Variants in CDK19 observed in about 807,000 individuals in gnomAD.
CDK19 encodes the protein cyclin dependent kinase 19, also known as cyclin-dependent kinase 19.
Under a neutral mutation model 68.3 loss-of-function variants are expected in CDK19, and 20 were observed. The observed-to-expected ratio is 0.29, with a 90% CI of 0.21 to 0.43. The LOEUF is 0.43. Ranked by LOEUF, CDK19 falls within the 20% of genes least tolerant of loss-of-function variation. CDK19 has a pLI of 1.00. For synonymous variants in CDK19, 221 were observed against 222.8 expected, an observed-to-expected ratio of 0.99 and a Z score of 0.07; for missense variants, 339 against 623.5, an observed-to-expected ratio of 0.54 and a Z score of 4.86.
chr6:110,772,762 G>A (rs1159445676), intron 1 of CDK19, among the ~76,000 whole-genome samples: 13 of 151,646 alleles, frequency 8.6e-5, no homozygotes, highest in Admixed American at 6.6e-5. Flanking sequence ...GTGTGGTGGC[G>A]TGAGCCTGTG....
chr6:110,787,230 T>C (rs1208642791), intron 1 of CDK19, among the ~76,000 whole-genome samples: 1 of 151,968 alleles, frequency 6.6e-6, no homozygotes, highest in Non-Finnish European at 1.5e-5. Context: ...AAAAATTAGC[T>C]GGGCATGGTG....
intron 1 of CDK19, among the ~76,000 whole-genome samples, chr6:110,792,693 T>G (rs1487730669): frequency 2.0e-5 from 3 of 152,342 alleles, no homozygotes; most frequent in Admixed American, 2.0e-4. Context: ...GGCGAATACT[T>G]TTTTATAACA....
intron 1 of CDK19, among the ~76,000 whole-genome samples, chr6:110,811,878 C>G (rs1010859784): frequency 6.9e-6 from 1 of 145,590 alleles, no homozygotes; most frequent in African/African-American, 2.7e-5. Context: ...ACTTTTAAAC[C>G]GGATTTTTTT....
chr6:110,660,813 G>A (rs1781575511), intron 4 of CDK19, among the ~76,000 whole-genome samples: 1 of 152,182 alleles, frequency 6.6e-6, no homozygotes, highest in Non-Finnish European at 1.5e-5. Context: ...GGGGAGCAGG[G>A]CAAGTCATGG....
At chr6:110,811,483 G>A (rs1246168319) in intron 1 of CDK19, among the ~76,000 whole-genome samples, 4 of 152,136 alleles carry the variant, frequency 2.6e-5, no homozygotes, top group Non-Finnish European at 5.9e-5. Flanking sequence ...CCTGGTCTCA[G>A]GTGATCCACC....
At chr6:110,725,937 G>T (rs1776282549) in intron 2 of CDK19, among the ~76,000 whole-genome samples, 1 of 151,910 alleles carries the variant, frequency 6.6e-6, no homozygotes, top group Admixed American at 6.6e-5. Context: ...ATGTTCTATG[G>T]GCTTGATTTT....
At chr6:110,718,106 C>A (rs1393009518) in intron 2 of CDK19, among the ~76,000 whole-genome samples, 1 of 152,166 alleles carries the variant, frequency 6.6e-6, no homozygotes, top group Non-Finnish European at 1.5e-5. Context: ...AATCTGCCGG[C>A]ACCTTGATCT....
At chr6:110,653,235 A>G (rs1781086992) in intron 4 of CDK19, among the ~76,000 whole-genome samples, 1 of 152,216 alleles carries the variant, frequency 6.6e-6, no homozygotes, top group Admixed American at 6.5e-5. Flanking sequence ...ATACAAGGCT[A>G]TGGGTCAAGT....
At chr6:110,652,112 A>G (rs1781012300) in intron 4 of CDK19, among the ~76,000 whole-genome samples, 1 of 151,986 alleles carries the variant, frequency 6.6e-6, no homozygotes, top group Non-Finnish European at 1.5e-5. Context: ...AAAAACAAAG[A>G]AAAAAAGAGA....
intron 2 of CDK19, among the ~76,000 whole-genome samples, chr6:110,712,365 G>C (rs1341038918): frequency 6.6e-6 from 1 of 152,130 alleles, no homozygotes; most frequent in Non-Finnish European, 1.5e-5. Context: ...ATTTGGGAAA[G>C]AAACACCACC....
intron 1 of CDK19, among the ~76,000 whole-genome samples, chr6:110,786,401 G>C (rs886851605): frequency 6.6e-6 from 1 of 151,942 alleles, no homozygotes; most frequent in East Asian, 2.0e-4. Flanking sequence ...TCCTTAACTG[G>C]CTCTGTCATA....
In CDK19 at chr6:110,815,243, G is replaced by T. The variant is rs1476841155; in HGVS notation, c.-107C>A. The T allele has an allele frequency of 5.5e-5, 51 of 932,114 alleles. No homozygotes were observed. The highest frequency in any genetic ancestry group is 2.6e-4 in the South Asian group (7 of 27,416). 57.7% of individuals were successfully genotyped at this position (932,114 alleles called of 1,614,324 possible). A position where few individuals can be genotyped will look rare whatever the true frequency, so the allele number is the denominator to read the frequency against. On this transcript the variant is annotated 5_prime_UTR_variant, in exon 1 of 13. Coordinates refer to ENST00000368911, the MANE Select transcript of CDK19 (RefSeq NM_015076.5). The stretch of plus-strand genomic sequence containing the variant: ...TCCACTTCTCCAACAGCCGCCTCTC[G>T]CGCGCGCGCGCGCGCCGCCCGCCGC...
chr6:110,645,918 C>T, intron 4 of CDK19: 1 of 921,450 alleles, frequency 1.1e-6, no homozygotes, highest in Non-Finnish European at 1.7e-6. Flanking sequence ...TGTGCCGGGA[C>T]AGCAGGTGCA....
chr6:110,643,397 C>T (rs1315008695), intron 4 of CDK19: 1 of 332,594 alleles, frequency 3.0e-6, no homozygotes, highest in African/African-American at 2.2e-5. Flanking sequence ...AACACAAAAA[C>T]ATTATTAGGA....
At chr6:110,750,620 A>G (rs2114901750) in intron 1 of CDK19, among the ~76,000 whole-genome samples, 1 of 152,290 alleles carries the variant, frequency 6.6e-6, no homozygotes, top group South Asian at 2.1e-4. Context: ...AGAAACCCCA[A>G]CCAAAAATGA....
intron 2 of CDK19, among the ~76,000 whole-genome samples, chr6:110,730,740 C>T (rs1776686223): frequency 6.6e-6 from 1 of 152,134 alleles, no homozygotes; most frequent in African/African-American, 2.4e-5. Context: ...ATCAGCATTA[C>T]CTAAGAGCTT....
chr6:110,779,030 A>G (rs1780612038), intron 1 of CDK19, among the ~76,000 whole-genome samples: 1 of 152,116 alleles, frequency 6.6e-6, no homozygotes, highest in Admixed American at 6.6e-5. Flanking sequence ...TGTTGAGACC[A>G]CCTGTTTTGT....
intron 1 of CDK19, among the ~76,000 whole-genome samples, chr6:110,750,992 C>T (rs750997316): frequency 3.3e-5 from 5 of 152,122 alleles, no homozygotes; most frequent in South Asian, 2.1e-4. Flanking sequence ...CATGCCACCA[C>T]GCCCAGCTAA....
chr6:110,627,228 A>G, intron 6 of CDK19, 83 bp from the exon 7 acceptor site: 3 of 1,001,506 alleles, frequency 3.0e-6, no homozygotes, highest in Admixed American at 2.3e-5. Flanking sequence ...TTATAAAAAT[A>G]CTTTTCAGTA....
Sources: gnomAD v4.1 joint callset for allele counts (sites outside exome capture counted in the v4.1 genomes callset) on GRCh38, gnomAD v4.1.1 for gene constraint, MANE v1.5 for transcripts, NCBI Gene and HGNC (gene_info 2026-07-23, HGNC 2026-07-21) for gene names.